The following HFM1 variants were observed in gnomAD, a reference collection of about 807,000 sequenced individuals.
The protein encoded by HFM1 is helicase for meiosis 1, also known as probable ATP-dependent DNA helicase HFM1.
A neutral mutation model predicts 192.1 loss-of-function variants in HFM1; 169 were observed. The observed-to-expected ratio is 0.88, with a 90% CI of 0.78 to 1.00. The LOEUF (loss-of-function observed/expected upper bound fraction) is 1.00, where lower values mean the gene tolerates loss of function less well. Among genes scored for constraint, HFM1 ranks in the 50% least tolerant of loss-of-function variants. HFM1 has a pLI of 0.00. For missense variants in HFM1, 1,661 were observed against 1,668.0 expected (o/e 1.00, Z 0.07); for synonymous variants, 525 against 537.8 (o/e 0.98, Z 0.33).
intron 3 of HFM1, among the ~76,000 whole-genome samples, chr1:91,395,089 C>T (rs1426098806): frequency 1.3e-5 from 2 of 151,950 alleles, no homozygotes; most frequent in Non-Finnish European, 2.9e-5. Flanking sequence ...GAACCTATGA[C>T]CCAATTTAAA....
intron 13 of HFM1, among the ~76,000 whole-genome samples, chr1:91,370,620 C>T (rs1035929102): frequency 3.3e-5 from 5 of 152,020 alleles, no homozygotes; most frequent in African/African-American, 1.2e-4. Flanking sequence ...TATGACAAAC[C>T]CACAGCCAAT....
At chr1:91,266,928 C>A (rs1317459053) in intron 35 of HFM1, among the ~76,000 whole-genome samples, 2 of 152,014 alleles carry the variant, frequency 1.3e-5, no homozygotes, top group East Asian at 3.9e-4. Flanking sequence ...TTCTAAGGGC[C>A]CCCAAAACAA....
Position 91,385,821 on chromosome 1 carries a change from A to G in HFM1, c.508T>C (p.Ser170Pro). ...TAAGCACTCCCATGTATATTGTCAG[A>G]TATTTTAAATAATCTGCAAACAAAA... ...SVFRKRLFKI[S>P]DNIHGSAYSN... Residue 170 changes from serine (S) to proline (P), a missense_variant, in exon 5 of 39, where the codon TCT becomes CCT. Physicochemically the swap from Ser to Pro is moderately conservative, Grantham distance 74. Coordinates refer to ENST00000370425, the MANE Select transcript of HFM1 (RefSeq NM_001017975.6). The G allele has an allele frequency of 6.3e-7, 1 of 1,593,478 alleles. No individual in the cohort carries two copies. Among genetic ancestry groups the G allele is most frequent in the Non-Finnish European group, 8.6e-7 (1 of 1,168,644 alleles).
chr1:91,294,259 A>C (rs1170477412), intron 30 of HFM1, among the ~76,000 whole-genome samples: 1 of 152,160 alleles, frequency 6.6e-6, no homozygotes, highest in Non-Finnish European at 1.5e-5. Context: ...GAAAAAAAAA[A>C]GATCACATTC....
At chr1:91,370,262 C>T (rs990921203) in intron 13 of HFM1, among the ~76,000 whole-genome samples, 2 of 152,122 alleles carry the variant, frequency 1.3e-5, no homozygotes, top group African/African-American at 4.8e-5. Context: ...CATCCTGATA[C>T]CAAAGCCTGG....
At chr1:91,305,169 C>T (rs982194499) in intron 30 of HFM1, among the ~76,000 whole-genome samples, 5 of 152,094 alleles carry the variant, frequency 3.3e-5, no homozygotes, top group African/African-American at 7.2e-5. Flanking sequence ...TGTATTTCCA[C>T]GTGAATTTTA....
At chr1:91,272,654 A>C (rs72726268) in intron 34 of HFM1, among the ~76,000 whole-genome samples, 20,055 of 151,988 alleles carry the variant, frequency 0.13, 1,513 homozygotes, top group African/African-American at 0.19. Context: ...TGACAATTTT[A>C]TACTTCCTAT....
chr1:91,277,852 T>A lies in HFM1; in HGVS notation c.3392-790A>T, dbSNP rs1346385421. On this transcript the variant is annotated intron_variant, in intron 30 of 38. Coordinates refer to ENST00000370425, the MANE Select transcript of HFM1 (RefSeq NM_001017975.6). ...TATATATAATATATACTAATATATA[T>A]TATATATACTTTATATATATAATAT... Among the ~76,000 whole-genome samples the A allele has an allele frequency of 2.5e-3, 302 of 118,446 alleles. 1 individual carries two copies. Among genetic ancestry groups the A allele is most frequent in the African/African-American group, 8.5e-3 (253 of 29,878 alleles). 77.7% of individuals were successfully genotyped at this position (118,446 alleles called of 152,430 possible). A position where few individuals can be genotyped will look rare whatever the true frequency, so the allele number is the denominator to read the frequency against.
At chr1:91,318,482 C>T (rs908094343) in intron 25 of HFM1, among the ~76,000 whole-genome samples, 2 of 152,122 alleles carry the variant, frequency 1.3e-5, no homozygotes, top group Admixed American at 6.6e-5. Flanking sequence ...AATAGGGTCA[C>T]AAGGTCACAG....
chr1:91,290,270 G>C (rs936690702), intron 30 of HFM1, among the ~76,000 whole-genome samples: 2 of 152,174 alleles, frequency 1.3e-5, no homozygotes, highest in South Asian at 2.1e-4. Flanking sequence ...TGGATAAAGA[G>C]TCAAGACCCA....
intron 1 of HFM1, among the ~76,000 whole-genome samples, chr1:91,404,328 G>A (rs781472012): frequency 2.6e-5 from 4 of 152,250 alleles, no homozygotes; most frequent in Non-Finnish European, 4.4e-5. Context: ...CCCGAGAGTG[G>A]CACAAGAACG....
intron 28 of HFM1, among the ~76,000 whole-genome samples, chr1:91,314,750 C>T (rs939322366): frequency 3.9e-5 from 6 of 152,164 alleles, no homozygotes; most frequent in African/African-American, 1.4e-4. Flanking sequence ...AATAACATCA[C>T]AAGCCAGCAA....
intron 20 of HFM1, among the ~76,000 whole-genome samples, chr1:91,333,975 A>C (rs1334579694): frequency 6.6e-6 from 1 of 152,200 alleles, no homozygotes; most frequent in South Asian, 2.1e-4. Context: ...CCTAAGAGGA[A>C]TGGTCAGTGT....
At chr1:91,274,682 G>C (rs749287137) in intron 33 of HFM1, 48 bp downstream of exon 33, 12 of 940,640 alleles carry the variant, frequency 1.3e-5, no homozygotes, top group African/African-American at 3.3e-5. Flanking sequence ...TGCAGGAACA[G>C]AGTTTACGAT....
intron 14 of HFM1, 43 bp from the exon 15 acceptor site, chr1:91,353,195 A>G: frequency 6.4e-7 from 1 of 1,556,062 alleles, no homozygotes; most frequent in Non-Finnish European, 8.8e-7. Context: ...ATATTTCATC[A>G]ATAATTGGCA....
chr1:91,297,940 A>C (rs1647941369), intron 30 of HFM1, among the ~76,000 whole-genome samples: 1 of 152,240 alleles, frequency 6.6e-6, no homozygotes, highest in Admixed American at 6.5e-5. Flanking sequence ...AGCTGGACGG[A>C]GAATGACTTT....
At chr1:91,319,528 AATT>A in intron 23 of HFM1, 138 bp from the exon 24 acceptor site, 1 of 548,134 alleles carries the variant, frequency 1.8e-6, no homozygotes. Context: ...TATCTTGCAT[AATT>A]ATTATTGCAG....
At chr1:91,366,196 T>C (rs1168697248) in intron 13 of HFM1, among the ~76,000 whole-genome samples, 1 of 152,182 alleles carries the variant, frequency 6.6e-6, no homozygotes, top group Non-Finnish European at 1.5e-5. Flanking sequence ...AAATTGTAAA[T>C]TAGTTTTAAA....
At chr1:91,286,649 C>T (rs552551721) in intron 30 of HFM1, among the ~76,000 whole-genome samples, 30 of 151,810 alleles carry the variant, frequency 2.0e-4, no homozygotes, top group East Asian at 7.8e-4. Flanking sequence ...CATTCACGAC[C>T]GAGGAGCCAA....
Sources: gnomAD v4.1 joint callset for allele counts (sites outside exome capture counted in the v4.1 genomes callset) on GRCh38, gnomAD v4.1.1 for gene constraint, MANE v1.5 for transcripts, NCBI Gene and HGNC (gene_info 2026-07-23, HGNC 2026-07-21) for gene names.